The following LPAR1 variants were observed in gnomAD, a reference collection of about 807,000 sequenced individuals.
LPAR1 encodes the protein lysophosphatidic acid receptor 1.
Under a neutral mutation model 23.8 loss-of-function variants are expected in LPAR1, and 5 were observed. The observed-to-expected ratio is 0.21, with a 90% CI of 0.11 to 0.44. LPAR1 has a LOEUF of 0.44. Among genes scored for constraint, LPAR1 ranks in the 20% least tolerant of loss-of-function variants. The probability of loss-of-function intolerance (pLI) is 0.99; values close to 1 mark genes in which losing one functional copy is unlikely to be tolerated. For synonymous variants in LPAR1, 160 were observed against 164.7 expected (o/e 0.97, Z 0.22); for missense variants, 311 against 482.8 (o/e 0.64, Z 3.33).
intron 4 of LPAR1, among the ~76,000 whole-genome samples, chr9:110,966,691 C>T (rs1312262739): frequency 6.6e-6 from 1 of 151,648 alleles, no homozygotes; most frequent in Non-Finnish European, 1.5e-5. Context: ...AAATGAGAGA[C>T]AGAATGATAC....
chr9:110,877,547 G>T (rs886963561), intron 5 of LPAR1, among the ~76,000 whole-genome samples: 1 of 152,174 alleles, frequency 6.6e-6, no homozygotes, highest in Non-Finnish European at 1.5e-5. Flanking sequence ...TGCCTCTTGG[G>T]TTTCAGAAAT....
At chr9:111,012,500 C>T (rs879630350) in intron 2 of LPAR1, among the ~76,000 whole-genome samples, 14 of 151,998 alleles carry the variant, frequency 9.2e-5, no homozygotes, top group Non-Finnish European at 1.5e-4. Flanking sequence ...CACACATACA[C>T]ACTCAGTATC....
chr9:110,885,801 G>A (rs1294792546), intron 5 of LPAR1, among the ~76,000 whole-genome samples: 2 of 152,196 alleles, frequency 1.3e-5, no homozygotes, highest in Admixed American at 1.3e-4. Flanking sequence ...GGTGGATCAT[G>A]CCTATAATCC....
intron 2 of LPAR1, among the ~76,000 whole-genome samples, chr9:111,014,340 G>T (rs1037884107): frequency 6.6e-6 from 1 of 151,946 alleles, no homozygotes; most frequent in East Asian, 1.9e-4. Flanking sequence ...CATTTCTCTC[G>T]GCGCCTCTTC....
At chr9:111,010,363 C>T (rs538714705) in intron 2 of LPAR1, among the ~76,000 whole-genome samples, 9 of 151,982 alleles carry the variant, frequency 5.9e-5, no homozygotes, top group African/African-American at 1.7e-4. Context: ...AGAACAAGAG[C>T]GCCAGTCAGA....
At chr9:111,025,756 T>C (rs1173538276) in intron 2 of LPAR1, among the ~76,000 whole-genome samples, 1 of 152,236 alleles carries the variant, frequency 6.6e-6, no homozygotes, top group Admixed American at 6.5e-5. Flanking sequence ...GTTTCACTTT[T>C]CTACATATGG....
intron 2 of LPAR1, among the ~76,000 whole-genome samples, chr9:110,980,534 A>C (rs1177543476): frequency 6.6e-6 from 1 of 151,788 alleles, no homozygotes; most frequent in African/African-American, 2.4e-5. Flanking sequence ...AAAGATAAAT[A>C]CTGCAATGTT....
chr9:111,005,299 C>T (rs185724858), intron 2 of LPAR1, among the ~76,000 whole-genome samples: 180 of 151,582 alleles, frequency 1.2e-3, no homozygotes, highest in Non-Finnish European at 1.1e-3. Flanking sequence ...GTGGGCCAGG[C>T]GTGACGGCTC....
chr9:110,991,483 C>T (rs1292560768), intron 2 of LPAR1, among the ~76,000 whole-genome samples: 1 of 152,152 alleles, frequency 6.6e-6, no homozygotes, highest in Non-Finnish European at 1.5e-5. Context: ...CTCTTGCACC[C>T]AAACTTTGAT....
rs200700682 is a variant in LPAR1 at position 110,892,864 on chromosome 9, GGCAT to G, written c.794-17146_794-17143del. ...AGGCAGGCAGGCAGGCAGGCAGGCA[GGCAT>G]GCAGGCAGGCAGGCTCAAAAACACT... is the stretch of plus-strand genomic sequence containing the variant. On this transcript the variant is annotated intron_variant, in intron 5 of 5. Transcript: ENST00000683809. Among the ~76,000 whole-genome samples the G allele has an allele frequency of 4.2e-3, 368 of 87,690 alleles. 3 individuals are homozygous for G. The highest frequency in any genetic ancestry group is 0.012 in the African/African-American group (320 of 27,144). 57.5% of individuals were successfully genotyped at this position (87,690 alleles called of 152,430 possible).
chr9:110,940,898 G>A (rs537313956), intron 5 of LPAR1, among the ~76,000 whole-genome samples: 1 of 152,186 alleles, frequency 6.6e-6, no homozygotes, highest in Non-Finnish European at 1.5e-5. Flanking sequence ...TCATGAAGAT[G>A]ACTGTCAGAG....
chr9:110,913,741 G>A (rs1445746032), intron 5 of LPAR1, among the ~76,000 whole-genome samples: 1 of 152,146 alleles, frequency 6.6e-6, no homozygotes, highest in African/African-American at 2.4e-5. Flanking sequence ...ATTTTGGAAG[G>A]ACGAGAACAT....
chr9:110,930,942 T>C (rs896991013), intron 5 of LPAR1, among the ~76,000 whole-genome samples: 4 of 152,122 alleles, frequency 2.6e-5, no homozygotes, highest in African/African-American at 7.2e-5. Context: ...GTGAATATTA[T>C]GCCAGTGCAA....
At chr9:111,004,048 G>A (rs1220869794) in intron 2 of LPAR1, among the ~76,000 whole-genome samples, 3 of 152,086 alleles carry the variant, frequency 2.0e-5, no homozygotes, top group Non-Finnish European at 4.4e-5. Flanking sequence ...CATTCCATGA[G>A]GGCATAATCA....
intron 2 of LPAR1, among the ~76,000 whole-genome samples, chr9:111,023,798 A>AG (rs2141197407): frequency 6.6e-6 from 1 of 152,334 alleles, no homozygotes; most frequent in Non-Finnish European, 1.5e-5. Flanking sequence ...AAATTATCAT[A>AG]GGAAAAAATA....
intron 5 of LPAR1, among the ~76,000 whole-genome samples, chr9:110,913,540 G>A (rs2092713421): frequency 1.4e-5 from 2 of 144,504 alleles, no homozygotes. Flanking sequence ...TGTGTATCAA[G>A]TTCATTTTAA....
chr9:110,988,105 C>G (rs1173144848), intron 2 of LPAR1, among the ~76,000 whole-genome samples: 1 of 150,406 alleles, frequency 6.6e-6, no homozygotes, highest in African/African-American at 2.5e-5. Flanking sequence ...AGTGGGGGAA[C>G]TATCAATCTA....
chr9:110,918,723 C>T (rs1400849796), intron 5 of LPAR1, among the ~76,000 whole-genome samples: 1 of 152,120 alleles, frequency 6.6e-6, no homozygotes, highest in African/African-American at 2.4e-5. Context: ...TTAAAGAAAA[C>T]TTCAAAAAGA....
chr9:110,924,018 G>A (rs1390696328), intron 5 of LPAR1, among the ~76,000 whole-genome samples: 2 of 151,802 alleles, frequency 1.3e-5, no homozygotes, highest in African/African-American at 4.8e-5. Flanking sequence ...TTTTAGGTTT[G>A]CTAATGTTTA....
Sources: allele counts gnomAD v4.1 joint callset (sites outside exome capture counted in the v4.1 genomes callset), GRCh38; gene constraint gnomAD v4.1.1; transcripts MANE v1.5; gene names NCBI Gene and HGNC (gene_info 2026-07-23, HGNC 2026-07-21).